Variants in COL14A1 observed in about 807,000 individuals in gnomAD.
The protein encoded by COL14A1 is collagen type XIV alpha 1 chain.
COL14A1 carries 136 observed loss-of-function variants against 230.3 expected under a neutral mutation model. The observed-to-expected ratio is 0.59, with a 90% confidence interval of 0.51 to 0.68. COL14A1 has a LOEUF of 0.68. COL14A1 is among the 30% of genes least tolerant of loss of function. The pLI is 0.00. For synonymous variants in COL14A1, 792 were observed against 784.1 expected (o/e 1.01, Z -0.17); for missense variants, 1,976 against 2,215.8 (o/e 0.89, Z 2.17).
intron 5 of COL14A1, among the ~76,000 whole-genome samples, chr8:120,189,694 C>T (rs1008901484): frequency 7.3e-6 from 1 of 136,084 alleles, no homozygotes; most frequent in African/African-American, 2.7e-5. Context: ...TCCATGTGTT[C>T]TCATTGTTCA....
intron 40 of COL14A1, among the ~76,000 whole-genome samples, chr8:120,329,437 T>C (rs1821795608): frequency 6.6e-6 from 1 of 151,992 alleles, no homozygotes; most frequent in African/African-American, 2.4e-5. Flanking sequence ...CAAAACCCCA[T>C]CTCTACAAAA....
chr8:120,247,988 G>T (rs1818816374), intron 21 of COL14A1, among the ~76,000 whole-genome samples: 1 of 152,026 alleles, frequency 6.6e-6, no homozygotes, highest in South Asian at 2.1e-4. Context: ...TATATATTGG[G>T]TATATACATG....
intron 44 of COL14A1, among the ~76,000 whole-genome samples, chr8:120,344,579 C>T (rs144864388): frequency 6.6e-6 from 1 of 152,308 alleles, no homozygotes; most frequent in Non-Finnish European, 1.5e-5. Context: ...AGTGACAATC[C>T]AATGCTTAAG....
At chr8:120,228,815 T>A in intron 18 of COL14A1, 46 bp downstream of exon 18, 1 of 1,476,024 alleles carries the variant, frequency 6.8e-7, no homozygotes, top group Non-Finnish European at 9.5e-7. Flanking sequence ...AAATTTTCTT[T>A]AAACAGATGT....
At chr8:120,124,868 G>C (rs1411755581), upstream of COL14A1, among the ~76,000 whole-genome samples, 1 of 151,942 alleles carries the variant, frequency 6.6e-6, no homozygotes, top group African/African-American at 2.4e-5. Context: ...GCTCGCTCTC[G>C]GCGCGCCACA....
At chr8:120,263,564 G>A (rs373614410) in intron 24 of COL14A1, among the ~76,000 whole-genome samples, 1 of 152,182 alleles carries the variant, frequency 6.6e-6, no homozygotes, top group African/African-American at 2.4e-5. Context: ...AGCAAGGAGA[G>A]TGTCAACTTC....
intron 5 of COL14A1, among the ~76,000 whole-genome samples, chr8:120,182,927 A>G (rs964286183): frequency 6.6e-6 from 1 of 151,944 alleles, no homozygotes; most frequent in African/African-American, 2.4e-5. Context: ...GGGTTTCACC[A>G]TATTGCCCAG....
chr8:120,163,116 C>T (rs1446090575), intron 4 of COL14A1, among the ~76,000 whole-genome samples: 1 of 152,210 alleles, frequency 6.6e-6, no homozygotes, highest in Non-Finnish European at 1.5e-5. Context: ...CTAAAACAGC[C>T]TATGCAACAG....
intron 13 of COL14A1, 68 bp from the exon 14 acceptor site, chr8:120,216,283 G>A: frequency 3.7e-6 from 5 of 1,340,932 alleles, no homozygotes; most frequent in Non-Finnish European, 5.2e-6. Context: ...AGAAGTCAAA[G>A]ATGCAATTTC....
At chr8:120,216,073 A>C (rs1817741293) in intron 13 of COL14A1, among the ~76,000 whole-genome samples, 1 of 152,240 alleles carries the variant, frequency 6.6e-6, no homozygotes, top group African/African-American at 2.4e-5. Context: ...ACATCAAGCT[A>C]GAGTGATAGG....
chr8:120,154,860 T>C (rs2130504662), intron 2 of COL14A1, among the ~76,000 whole-genome samples: 1 of 152,360 alleles, frequency 6.6e-6, no homozygotes, highest in Non-Finnish European at 1.5e-5. Flanking sequence ...ACACAAAGTT[T>C]TGTTCCATGA....
chr8:120,200,767 T>TATATATATATATATA (rs1554606076), intron 8 of COL14A1, among the ~76,000 whole-genome samples: 2 of 104,202 alleles, frequency 1.9e-5, no homozygotes, highest in Non-Finnish European at 4.3e-5. Flanking sequence ...ATATATATAT[T>TATATATATATATATA]ATTTTTCATC....
intron 44 of COL14A1, among the ~76,000 whole-genome samples, 166 bp from the exon 45 acceptor site, chr8:120,345,208 AC>A (rs1277868465): frequency 6.6e-6 from 1 of 152,132 alleles, no homozygotes; most frequent in Non-Finnish European, 1.5e-5. Context: ...CCAGAGTAAA[AC>A]GTAAAAAAAT....
At chr8:120,278,729 G>T (rs1819935039) in intron 28 of COL14A1, 151 bp downstream of exon 28, 3 of 790,670 alleles carry the variant, frequency 3.8e-6, no homozygotes, top group Non-Finnish European at 3.7e-6. Flanking sequence ...ATACTTTCTG[G>T]TATACAAATC....
chr8:120,226,750 G>A lies in COL14A1; in HGVS notation c.1988G>A (p.Gly663Glu). 2 of 1,613,514 alleles carry A rather than the reference G, an allele frequency of 1.2e-6. No individual in the cohort carries two copies. The highest frequency in any genetic ancestry group is 1.7e-6 in the Non-Finnish European group (2 of 1,179,662). ...AAATTGATGTGGATTCCAGTCTATG[G>A]GGGGAAGACTGAGGAGGTGAGTTTT... ...LHKLMWIPVY[G>E]GKTEEVVLKE... The change falls in exon 16 of 48, where the codon GGG becomes GAG. Residue 663 changes from glycine (G) to glutamate (E), a missense_variant. Physicochemically the swap from Gly to Glu is moderately conservative, Grantham distance 98. Transcript: ENST00000297848.
intron 1 of COL14A1, among the ~76,000 whole-genome samples, chr8:120,131,838 CTTTTTTTTTT>C (rs1172286717): frequency 5.8e-5 from 4 of 68,980 alleles, no homozygotes; most frequent in African/African-American, 2.3e-4. Flanking sequence ...TTCTTCCTTT[CTTTTTTTTTT>C]TTTTTTTTTT....
chr8:120,195,544 G>A (rs889561273), intron 5 of COL14A1, among the ~76,000 whole-genome samples: 3 of 152,138 alleles, frequency 2.0e-5, no homozygotes, highest in African/African-American at 7.2e-5. Context: ...ACATACTCGA[G>A]ACTGGGTAAT....
intron 31 of COL14A1, 36 bp downstream of exon 31, chr8:120,281,095 T>C (rs1274849543): frequency 3.2e-6 from 5 of 1,571,084 alleles, no homozygotes; most frequent in Non-Finnish European, 3.5e-6. Flanking sequence ...AGTCATCGTA[T>C]GTTTATTATA....
At chr8:120,189,611 T>C (rs1408210983) in intron 5 of COL14A1, among the ~76,000 whole-genome samples, 1 of 150,800 alleles carries the variant, frequency 6.6e-6, no homozygotes, top group Non-Finnish European at 1.5e-5. Flanking sequence ...ATTAGGTATA[T>C]CTCCTAAAGC....
Sources: gnomAD v4.1 joint callset for allele counts (sites outside exome capture counted in the v4.1 genomes callset) on GRCh38, gnomAD v4.1.1 for gene constraint, MANE v1.5 for transcripts, NCBI Gene and HGNC (gene_info 2026-07-23, HGNC 2026-07-21) for gene names.